Variants in STC1 observed in about 807,000 individuals in gnomAD.
The protein encoded by STC1 is stanniocalcin-1.
In STC1, 7 loss-of-function variants were observed where a neutral mutation model predicts 22.6. That is an observed-to-expected ratio of 0.31 (90% CI 0.18 to 0.58). The LOEUF (loss-of-function observed/expected upper bound fraction) is 0.58. Among genes scored for constraint, STC1 ranks in the 20% least tolerant of loss-of-function variants. The pLI is 0.89. For synonymous variants in STC1, 113 were observed against 120.7 expected (o/e 0.94, Z 0.42); for missense variants, 224 against 311.0 (o/e 0.72, Z 2.10).
chr8:23,854,000 T>G, intron 1 of STC1: 1 of 1,020,630 alleles, frequency 9.8e-7, no homozygotes, highest in Non-Finnish European at 1.2e-6. Context: ...AGGTAGAGTC[T>G]TAAGAGGAAA....
At position 23,844,996 on chromosome 8, in the gene STC1, T is replaced by A. The variant is rs1423552161; in HGVS notation, c.518A>T (p.Asp173Val). Residue 173 changes from aspartate to valine, a missense_variant, in exon 4 of 4, where the codon GAC becomes GTC. Physicochemically the swap from Asp to Val is radical, Grantham distance 152 (BLOSUM62 -3). Transcript: ENST00000290271. ...GCTGTCTCTGATTGTGCTGACTGTG[T>A]CTTCATCACATTCCAGCAGGCTTCG... The part of the protein sequence containing the change: ...LVRSLLECDE[D>V]TVSTIRDSLM... 6.2e-7 allele frequency: 1 copy of A among 1,614,174 alleles called. No individual in the cohort carries two copies.
At chr8:23,850,109 T>A (rs1361698174) in intron 3 of STC1, among the ~76,000 whole-genome samples, 1 of 152,176 alleles carries the variant, frequency 6.6e-6, no homozygotes, top group Admixed American at 6.5e-5. Context: ...TAGTTAAGGG[T>A]GAAAAAGAAA....
intron 2 of STC1, among the ~76,000 whole-genome samples, chr8:23,852,025 C>T (rs1415920147): frequency 2.0e-5 from 3 of 152,008 alleles, no homozygotes; most frequent in South Asian, 2.1e-4. Flanking sequence ...GTGTCTTATA[C>T]AGAACCTATT....
Position 23,851,662 on chromosome 8 carries a change from G to C in STC1, c.262-131C>G. 5 of 692,480 alleles carry C rather than the reference G, an allele frequency of 7.2e-6. No individual in the cohort carries two copies. In the South Asian group the frequency reaches 9.8e-5, roughly 14 times the overall value. The allele number at this position is 692,480 out of a possible 1,614,324, so 42.9% of individuals were successfully genotyped here. ...GGCCATCTGCATATCCTTGCAATGA[G>C]AAGATTGCATGTCTCGGCTAAGGAT... On this transcript the variant is annotated intron_variant, in intron 2 of 3. Transcript: ENST00000290271.
intron 3 of STC1, among the ~76,000 whole-genome samples, chr8:23,850,657 A>G (rs927888869): frequency 7.2e-5 from 11 of 152,156 alleles, no homozygotes; most frequent in African/African-American, 1.7e-4. Context: ...TACTAAGATG[A>G]GAATGGGATC....
At chr8:23,854,171 T>G in intron 1 of STC1, 2 of 1,294,452 alleles carry the variant, frequency 1.5e-6, no homozygotes, top group Non-Finnish European at 2.0e-6. Flanking sequence ...CAGGCTAGGC[T>G]TATGCAATGA....
At chr8:23,847,260 G>A (rs1292136242) in intron 3 of STC1, among the ~76,000 whole-genome samples, 4 of 152,120 alleles carry the variant, frequency 2.6e-5, no homozygotes, top group African/African-American at 9.7e-5. Flanking sequence ...GCAGCTTCAG[G>A]GCCATACATT....
chr8:23,844,409 C>T lies in STC1; in HGVS notation c.*361G>A, dbSNP rs573243912. 1.5e-4 allele frequency: 36 copies of T among 244,220 alleles called. No homozygotes were observed. Among genetic ancestry groups the T allele is most frequent in the Middle Eastern group, 2.9e-3 (2 of 688 alleles). 15.1% of individuals were successfully genotyped at this position (244,220 alleles called of 1,614,324 possible). ...TATCAGCTAACTCTACTGGGGCAAC[C>T]GTTCTAAAGGGATCCACATCTTCAA... On this transcript the variant is annotated 3_prime_UTR_variant, in exon 4 of 4. Coordinates refer to ENST00000290271, the MANE Select transcript of STC1 (RefSeq NM_003155.3).
Position 23,844,528 on chromosome 8 carries a change from A to T in STC1, c.*242T>A, listed in dbSNP as rs1802548280. The T allele has an allele frequency of 3.7e-6, 2 of 537,858 alleles. No individual in the cohort carries two copies. The highest frequency in any genetic ancestry group is 6.3e-5 in the East Asian group (2 of 31,722). 33.3% of individuals were successfully genotyped at this position (537,858 alleles called of 1,614,324 possible). ...ACATGGCAGAGGAAGTTGGTAAAAGAGGGTACTTTCTCCTGAGGAGAGGCA... is the reference window on the plus strand; with the variant it reads ...ACATGGCAGAGGAAGTTGGTAAAAGTGGGTACTTTCTCCTGAGGAGAGGCA... On this transcript the variant is annotated 3_prime_UTR_variant, in exon 4 of 4. Coordinates refer to ENST00000290271, the MANE Select transcript of STC1 (RefSeq NM_003155.3).
chr8:23,846,072 G>A (rs1036468049), intron 3 of STC1, among the ~76,000 whole-genome samples: 1 of 152,166 alleles, frequency 6.6e-6, no homozygotes, highest in Non-Finnish European at 1.5e-5. Flanking sequence ...AGGAAATGGA[G>A]TTTTAAGAAT....
chr8:23,854,065 A>T (rs1328594883), intron 1 of STC1: 1 of 1,094,374 alleles, frequency 9.1e-7, no homozygotes, highest in East Asian at 5.9e-5. Context: ...GCTTCTGGAA[A>T]GTATAGAGAG....
Position 23,854,698 on chromosome 8 carries a change from G to T in STC1, c.-175C>A. 1.4e-6 allele frequency: 1 copy of T among 713,118 alleles called. No homozygotes were observed. The allele number at this position is 713,118 out of a possible 1,614,324, so 44.2% of individuals were successfully genotyped here. ...GCTGGTGATGCTGCTGCTGCCACCG[G>T]TGCCTCCGCTGCTGCTGCTGCTGCC... On this transcript the variant is annotated 5_prime_UTR_variant, in exon 1 of 4. Transcript: ENST00000290271.
chr8:23,854,095 A>G, intron 1 of STC1: 1 of 1,192,072 alleles, frequency 8.4e-7, no homozygotes, highest in South Asian at 2.3e-5. Context: ...GCATGCCAAC[A>G]TTCAAGCCTT....
At chr8:23,850,910 G>C (rs1215768384) in intron 3 of STC1, among the ~76,000 whole-genome samples, 1 of 138,606 alleles carries the variant, frequency 7.2e-6, no homozygotes, top group East Asian at 2.0e-4. Flanking sequence ...TTAACCAGAG[G>C]GCTTTTTTTT....
intron 3 of STC1, 94 bp from the exon 4 acceptor site, chr8:23,845,134 A>C: frequency 1.5e-6 from 2 of 1,335,930 alleles, no homozygotes; most frequent in Non-Finnish European, 2.1e-6. Flanking sequence ...ACGAGTCCCT[A>C]ATGGCCTGAC....
At chr8:23,850,912 C>CT (rs56311630) in intron 3 of STC1, among the ~76,000 whole-genome samples, 36,755 of 89,390 alleles carry the variant, frequency 0.41, 7,766 homozygotes, top group African/African-American at 0.49. Flanking sequence ...AACCAGAGGG[C>CT]TTTTTTTTTT....
At position 23,842,306 on chromosome 8, in the gene STC1, G is replaced by A. The variant is rs1277741992; in HGVS notation, c.*2464C>T. ...CACTCTGCAGCAAACACAAGACGAAGCTTTGGAAGTTTAAGGGGGAATTGG... is the reference window on the plus strand; with the variant it reads ...CACTCTGCAGCAAACACAAGACGAAACTTTGGAAGTTTAAGGGGGAATTGG... On this transcript the variant is annotated 3_prime_UTR_variant, in exon 4 of 4. Coordinates refer to ENST00000290271, the MANE Select transcript of STC1 (RefSeq NM_003155.3). The A allele has an allele frequency of 6.6e-6, 1 of 152,210 alleles. No individual in the cohort carries two copies. The highest frequency in any genetic ancestry group is 2.4e-5 in the African/African-American group (1 of 41,300). The allele number at this position is 152,210 out of a possible 1,614,324, so 9.4% of individuals were successfully genotyped here.
chr8:23,845,117 A>G, intron 3 of STC1, 77 bp from the exon 4 acceptor site: 1 of 1,468,052 alleles, frequency 6.8e-7, no homozygotes, highest in Non-Finnish European at 9.4e-7. Context: ...CCCGGGCTCT[A>G]GCCAACACGA....
At chr8:23,846,644 A>C (rs310314) in intron 3 of STC1, among the ~76,000 whole-genome samples, 152,268 of 152,276 alleles carry the variant, frequency 1, 76,130 homozygotes, top group Middle Eastern at 1. Context: ...CTTCTGTGGC[A>C]CAGCAGAAGG....
Sources: allele counts gnomAD v4.1 joint callset (sites outside exome capture counted in the v4.1 genomes callset), GRCh38; gene constraint gnomAD v4.1.1; transcripts MANE v1.5; gene names NCBI Gene and HGNC (gene_info 2026-07-23, HGNC 2026-07-21).